The following SP140L variants were observed in gnomAD, a reference collection of about 807,000 sequenced individuals.
SP140L encodes SP140 like nuclear body protein.
SP140L carries 64 observed loss-of-function variants against 84.3 expected under a neutral mutation model. The ratio of observed to expected loss-of-function variants is 0.76; its 90% confidence interval spans 0.62 to 0.94. SP140L has a LOEUF of 0.94. Ranked by LOEUF, SP140L falls within the 40% of genes least tolerant of loss-of-function variation. The pLI is 0.00. For synonymous variants in SP140L, 242 were observed against 236.9 expected, an observed-to-expected ratio of 1.02 and a Z score of -0.20; for missense variants, 628 against 692.5, an observed-to-expected ratio of 0.91 and a Z score of 1.05.
At position 230,400,119 on chromosome 2, in the gene SP140L, C is replaced by T. The variant is rs1559465533; in HGVS notation, c.1198-8C>T. 8.1e-6 allele frequency: 13 copies of T among 1,613,908 alleles called. No individual in the cohort carries two copies. Among genetic ancestry groups the T allele is most frequent in the Non-Finnish European group, 1.1e-5 (13 of 1,179,902 alleles). ...TCCCAGTGACGTGGACACTGTTTTA[C>T]CTTCTAGATGAGAAACTTGGATGAG... On this transcript the variant is annotated splice_polypyrimidine_tract_variant and splice_region_variant and intron_variant, in intron 14 of 18. Coordinates refer to ENST00000415673, the MANE Select transcript of SP140L (RefSeq NM_138402.6).
intron 9 of SP140L, among the ~76,000 whole-genome samples, chr2:230,388,154 T>A (rs1039242228): frequency 1.3e-5 from 2 of 152,226 alleles, no homozygotes; most frequent in Non-Finnish European, 2.9e-5. Flanking sequence ...AATCATCATT[T>A]TGATCTTGCA....
intron 2 of SP140L, among the ~76,000 whole-genome samples, chr2:230,343,707 G>C (rs1390484623): frequency 1.3e-5 from 2 of 152,134 alleles, no homozygotes; most frequent in Non-Finnish European, 2.9e-5. Flanking sequence ...CAGTGTAAAA[G>C]CATTTCTTTT....
intron 6 of SP140L, among the ~76,000 whole-genome samples, chr2:230,371,174 C>G (rs1023680141): frequency 2.6e-5 from 4 of 152,292 alleles, no homozygotes; most frequent in Non-Finnish European, 5.9e-5. Flanking sequence ...TGGATGACGT[C>G]ATAGAATGGT....
At chr2:230,400,923 T>C in intron 15 of SP140L, 32 bp from the exon 16 acceptor site, 2 of 1,425,970 alleles carry the variant, frequency 1.4e-6, no homozygotes, top group Non-Finnish European at 1.9e-6. Context: ...CCAAGCTCCC[T>C]GCCCTCTGCT....
At chr2:230,370,623 G>A (rs2061033643) in intron 5 of SP140L, among the ~76,000 whole-genome samples, 1 of 152,130 alleles carries the variant, frequency 6.6e-6, no homozygotes, top group African/African-American at 2.4e-5. Context: ...ATGATGTGAT[G>A]TACCAAGTAA....
chr2:230,393,737 A>C (rs1213592146), intron 13 of SP140L, among the ~76,000 whole-genome samples: 1 of 152,240 alleles, frequency 6.6e-6, no homozygotes, highest in Non-Finnish European at 1.5e-5. Context: ...CAATAGATAC[A>C]GATGTTGTAA....
At chr2:230,353,329 C>T (rs977968814) in intron 2 of SP140L, among the ~76,000 whole-genome samples, 25 of 151,860 alleles carry the variant, frequency 1.6e-4, no homozygotes, top group African/African-American at 5.6e-4. Context: ...TCTTTCGTGG[C>T]CAAGATTATG....
At chr2:230,334,802 A>T (rs2059822222) in intron 2 of SP140L, among the ~76,000 whole-genome samples, 1 of 152,114 alleles carries the variant, frequency 6.6e-6, no homozygotes, top group Admixed American at 6.5e-5. Flanking sequence ...AAATGATTTG[A>T]AACCAATGTC....
intron 9 of SP140L, among the ~76,000 whole-genome samples, chr2:230,388,061 C>T (rs2061659117): frequency 6.6e-6 from 1 of 152,142 alleles, no homozygotes; most frequent in South Asian, 2.1e-4. Context: ...TGTGTCTCTG[C>T]TAAGAGAAAC....
At chr2:230,383,350 C>T (rs991796321) in intron 7 of SP140L, among the ~76,000 whole-genome samples, 160 bp from the exon 8 acceptor site, 10 of 152,214 alleles carry the variant, frequency 6.6e-5, no homozygotes, top group African/African-American at 2.4e-4. Flanking sequence ...TAAAATAGGA[C>T]TCTGTACTCA....
At chr2:230,359,989 T>TGGTATTGGTGCTATACCAAAC (rs2060665444) in intron 4 of SP140L, among the ~76,000 whole-genome samples, 1 of 151,532 alleles carries the variant, frequency 6.6e-6, no homozygotes, top group African/African-American at 2.4e-5. Flanking sequence ...AACTAAAGTT[T>TGGTATTGGTGCTATACCAAAC]TGATTCTTGA....
chr2:230,341,000 G>A (rs1263638250), intron 2 of SP140L, among the ~76,000 whole-genome samples: 1 of 133,004 alleles, frequency 7.5e-6, no homozygotes, highest in Admixed American at 7.5e-5. Flanking sequence ...GAGTATCTTT[G>A]TGGCGTTCTC....
chr2:230,349,292 A>G (rs530774716), intron 2 of SP140L, among the ~76,000 whole-genome samples: 7 of 152,342 alleles, frequency 4.6e-5, no homozygotes, highest in African/African-American at 1.7e-4. Flanking sequence ...TTGAAATAAG[A>G]AAGTATAAAT....
intron 2 of SP140L, among the ~76,000 whole-genome samples, chr2:230,348,667 G>A (rs1444174233): frequency 6.6e-6 from 1 of 152,138 alleles, no homozygotes; most frequent in Non-Finnish European, 1.5e-5. Flanking sequence ...ACTGTGCCTA[G>A]TCTTTTCTTT....
intron 15 of SP140L, 60 bp downstream of exon 15, chr2:230,400,302 C>T (rs1252234188): frequency 2.0e-6 from 3 of 1,514,610 alleles, no homozygotes; most frequent in Admixed American, 1.7e-5. Context: ...CTGCCATGCG[C>T]ACTCTCCAGC....
At chr2:230,335,752 C>G (rs907078404) in intron 2 of SP140L, among the ~76,000 whole-genome samples, 4 of 152,054 alleles carry the variant, frequency 2.6e-5, no homozygotes, top group Non-Finnish European at 4.4e-5. Flanking sequence ...TGGAGAGGGA[C>G]GGTGTGAAGT....
intron 2 of SP140L, 73 bp from the exon 3 acceptor site, chr2:230,357,732 A>T: frequency 6.8e-7 from 1 of 1,478,310 alleles, no homozygotes; most frequent in South Asian, 1.3e-5. Context: ...TCCGTTATAC[A>T]TAAAATCTTA....
chr2:230,335,672 A>G (rs1193610301), intron 2 of SP140L, among the ~76,000 whole-genome samples: 8 of 152,196 alleles, frequency 5.3e-5, no homozygotes, highest in Non-Finnish European at 7.3e-5. Context: ...TGTAATGATT[A>G]AGAGTGTGGT....
intron 7 of SP140L, among the ~76,000 whole-genome samples, chr2:230,375,030 A>AT (rs1235190101): frequency 6.6e-6 from 1 of 152,166 alleles, no homozygotes. Flanking sequence ...CAGTCTTTTC[A>AT]TTTATGGTTT....
Sources: gnomAD v4.1 joint callset for allele counts (sites outside exome capture counted in the v4.1 genomes callset) on GRCh38, gnomAD v4.1.1 for gene constraint, MANE v1.5 for transcripts, NCBI Gene and HGNC (gene_info 2026-07-23, HGNC 2026-07-21) for gene names.